Variants in NKAIN2 observed in about 807,000 individuals in gnomAD.
NKAIN2 encodes the protein sodium/potassium-transporting ATPase subunit beta-1-interacting protein 2.
A neutral mutation model predicts 32.6 loss-of-function variants in NKAIN2; 14 were observed. The observed-to-expected ratio is 0.43, with a 90% confidence interval of 0.28 to 0.67. The LOEUF (loss-of-function observed/expected upper bound fraction) is 0.67, where lower values mean the gene tolerates loss of function less well. Ranked by LOEUF, NKAIN2 falls within the 30% of genes least tolerant of loss-of-function variation. The pLI, the probability that NKAIN2 is intolerant of heterozygous loss-of-function variation, is 0.17. For missense variants in NKAIN2, 198 were observed against 258.3 expected, an observed-to-expected ratio of 0.77 and a Z score of 1.60; for synonymous variants, 80 against 87.2, an observed-to-expected ratio of 0.92 and a Z score of 0.46.
chr6:124,357,826 G>A (rs1014798053), intron 3 of NKAIN2, among the ~76,000 whole-genome samples: 1 of 139,634 alleles, frequency 7.2e-6, no homozygotes, highest in Non-Finnish European at 1.6e-5. Flanking sequence ...TGCACAACGT[G>A]CAGGTTTGTT....
rs180819358 is a variant in NKAIN2 at position 124,359,347 on chromosome 6, A to G, written c.273+4000A>G. On this transcript the variant is annotated intron_variant, in intron 3 of 6. Transcript: ENST00000368417. ...GCTTGATGGGGATGGCATTGAATCT[A>G]TAAATTACCTTGGGCAGTATGGCCA... 4.4e-3 allele frequency among the ~76,000 whole-genome samples: 672 copies of G among 152,290 alleles called. 32 individuals carry two copies. In the East Asian group the frequency reaches 0.11, roughly 25 times the overall value.
intron 1 of NKAIN2, among the ~76,000 whole-genome samples, chr6:123,981,896 A>G (rs1778915760): frequency 6.6e-6 from 1 of 152,146 alleles, no homozygotes; most frequent in Non-Finnish European, 1.5e-5. Flanking sequence ...AGCATATCTT[A>G]CTAGGTTAGT....
intron 1 of NKAIN2, among the ~76,000 whole-genome samples, chr6:124,271,361 C>G (rs571065988): frequency 6.6e-6 from 1 of 152,086 alleles, no homozygotes; most frequent in Non-Finnish European, 1.5e-5. Flanking sequence ...GGACTACAGG[C>G]GCCTGCCACC....
chr6:123,863,169 C>G (rs1775852750), intron 1 of NKAIN2, among the ~76,000 whole-genome samples: 1 of 152,118 alleles, frequency 6.6e-6, no homozygotes, highest in African/African-American at 2.4e-5. Context: ...GAGGGGGAAA[C>G]ATTTATGTTG....
At position 124,063,369 on chromosome 6, in the gene NKAIN2, T is replaced by C. The variant is rs867525946; in HGVS notation, c.55-219636T>C. ...TCCTTAATATTAGACAAAATAAAGATCATTTTGTGAAGTTAACAGGGGAAT... is the reference window on the plus strand; with the variant it reads ...TCCTTAATATTAGACAAAATAAAGACCATTTTGTGAAGTTAACAGGGGAAT... On this transcript the variant is annotated intron_variant, in intron 1 of 6. Transcript: ENST00000368417. Among the ~76,000 whole-genome samples, 41 of 152,052 alleles carry C rather than the reference T, an allele frequency of 2.7e-4. 1 individual carries two copies. Among genetic ancestry groups the C allele is most frequent in the African/African-American group, 9.9e-4 (41 of 41,412 alleles).
chr6:124,793,113 A>G (rs996660843), intron 5 of NKAIN2, among the ~76,000 whole-genome samples: 5 of 152,082 alleles, frequency 3.3e-5, no homozygotes, highest in Admixed American at 2.6e-4. Flanking sequence ...TAGATGTGCC[A>G]TGAGACATGC....
At chr6:124,603,951 A>G (rs768599962) in intron 3 of NKAIN2, among the ~76,000 whole-genome samples, 2 of 152,054 alleles carry the variant, frequency 1.3e-5, no homozygotes, top group Non-Finnish European at 2.9e-5. Context: ...TCTTCTCAAG[A>G]CTGTCTCAGC....
chr6:123,839,437 A>G (rs6923674), intron 1 of NKAIN2, among the ~76,000 whole-genome samples: 7,177 of 152,198 alleles, frequency 0.047, 592 homozygotes, highest in African/African-American at 0.16. Context: ...AAGTGTGTCT[A>G]TAAAGAATAT....
chr6:123,960,675 T>C (rs1460051319), intron 1 of NKAIN2, among the ~76,000 whole-genome samples: 1 of 151,498 alleles, frequency 6.6e-6, no homozygotes, highest in Non-Finnish European at 1.5e-5. Flanking sequence ...GGCACTAACG[T>C]GTATTTATTA....
intron 3 of NKAIN2, among the ~76,000 whole-genome samples, chr6:124,513,357 T>C (rs1182652330): frequency 2.0e-5 from 3 of 152,176 alleles, no homozygotes; most frequent in Admixed American, 2.0e-4. Flanking sequence ...AGTGCTTCAT[T>C]TGGTAAATGC....
chr6:124,224,837 A>C (rs942185579), intron 1 of NKAIN2, among the ~76,000 whole-genome samples: 1 of 152,104 alleles, frequency 6.6e-6, no homozygotes, highest in Non-Finnish European at 1.5e-5. Context: ...TCAACAATTC[A>C]TTTTTAGTGC....
intron 2 of NKAIN2, among the ~76,000 whole-genome samples, chr6:124,353,187 G>T (rs1387714940): frequency 6.6e-6 from 1 of 151,780 alleles, no homozygotes; most frequent in African/African-American, 2.4e-5. Context: ...TTTGTGCAAA[G>T]TACTAAGTTA....
intron 4 of NKAIN2, among the ~76,000 whole-genome samples, chr6:124,695,171 GAA>G (rs11291618): frequency 1.1e-3 from 137 of 121,794 alleles, no homozygotes; most frequent in African/African-American, 3.3e-3. Flanking sequence ...AGCCTACCCA[GAA>G]AAAAAAAAAA....
chr6:124,256,327 C>T (rs1793927953), intron 1 of NKAIN2, among the ~76,000 whole-genome samples: 1 of 152,096 alleles, frequency 6.6e-6, no homozygotes, highest in South Asian at 2.1e-4. Context: ...TAAGGGAGCT[C>T]TTATGTACAT....
At chr6:124,731,504 A>C (rs1162025180) in intron 4 of NKAIN2, among the ~76,000 whole-genome samples, 1 of 136,742 alleles carries the variant, frequency 7.3e-6, no homozygotes, top group Admixed American at 7.9e-5. Flanking sequence ...GTGGGAATTG[A>C]ACAATGAGAT....
At chr6:124,631,058 GATTC>G in intron 3 of NKAIN2, among the ~76,000 whole-genome samples, 1 of 152,110 alleles carries the variant, frequency 6.6e-6, no homozygotes, top group Non-Finnish European at 1.5e-5. Context: ...AATCTTTTCA[GATTC>G]ATTGTGTAAA....
intron 3 of NKAIN2, among the ~76,000 whole-genome samples, chr6:124,642,758 C>G (rs1362484849): frequency 6.6e-6 from 1 of 152,102 alleles, no homozygotes. Context: ...AATATTGATA[C>G]TTCCCAGGGT....
At chr6:124,525,617 G>T (rs1779281323) in intron 3 of NKAIN2, among the ~76,000 whole-genome samples, 1 of 152,066 alleles carries the variant, frequency 6.6e-6, no homozygotes, top group African/African-American at 2.4e-5. Context: ...ATTATCCCCT[G>T]TCATAATAAT....
At chr6:124,811,839 A>C (rs1022500946) in intron 5 of NKAIN2, among the ~76,000 whole-genome samples, 14 of 152,270 alleles carry the variant, frequency 9.2e-5, no homozygotes, top group African/African-American at 3.1e-4. Context: ...AAATATGTGC[A>C]GTGTTTTGCA....
Sources: allele counts gnomAD v4.1 joint callset (sites outside exome capture counted in the v4.1 genomes callset), GRCh38; gene constraint gnomAD v4.1.1; transcripts MANE v1.5; gene names NCBI Gene and HGNC (gene_info 2026-07-23, HGNC 2026-07-21).